TAF6: variants seen among roughly 807,000 people sequenced by gnomAD.
TAF6 encodes transcription initiation factor TFIID subunit 6.
TAF6 carries 50 observed loss-of-function variants against 73.5 expected under a neutral mutation model. The observed-to-expected ratio is 0.68, with a 90% CI of 0.54 to 0.86. The LOEUF (loss-of-function observed/expected upper bound fraction) is 0.86, where lower values mean the gene tolerates loss of function less well. TAF6 is among the 40% of genes least tolerant of loss of function. The probability of loss-of-function intolerance (pLI) is 0.00; values close to 1 mark genes in which losing one functional copy is unlikely to be tolerated. For missense variants in TAF6, 768 were observed against 899.5 expected (o/e 0.85, Z 1.87); for synonymous variants, 424 against 376.7 (o/e 1.13, Z -1.45).
the TAF6 span, chr7:100,125,076 G>A: frequency 9.7e-6 from 6 of 621,012 alleles, no homozygotes; most frequent in Admixed American, 1.9e-4. Flanking sequence ...GGGGTGGAGG[G>A]TGGGGGTGGA....
chr7:100,115,644 A>G (rs1797610219), intron 1 of TAF6: 1 of 150,640 alleles, frequency 6.6e-6, no homozygotes, highest in South Asian at 2.1e-4. Flanking sequence ...CCTCAGTGAC[A>G]GATGGACTCT....
upstream of TAF6, chr7:100,121,922 T>C (rs575988865): frequency 4.0e-4 from 88 of 220,100 alleles, no homozygotes; most frequent in South Asian, 8.1e-4. Context: ...TGGTGGTGGG[T>C]GCCTGTAGTC....
chr7:100,111,191 A>C lies in TAF6; in HGVS notation c.1031T>G (p.Phe344Cys). Residue 344 changes from phenylalanine (F) to cysteine (C), a missense_variant, in exon 10 of 15, where the codon TTT becomes TGT. This residue lies in a region of TAF6 where 69 missense variants were observed against 105.4 expected (regional missense o/e 0.65). Coordinates refer to ENST00000453269, the MANE Select transcript of TAF6 (RefSeq NM_139315.3). Reference sequence around the variant, plus strand: ...CTGGATGTTGTTAGTGGTTGTGCTAAAATGCTTGCAGATCTGGGCCACCAG... The same window carrying C: ...CTGGATGTTGTTAGTGGTTGTGCTACAATGCTTGCAGATCTGGGCCACCAG... Reference protein sequence around the residue: ...ARLVAQICKHFSTTTNNIQSR... With the variant: ...ARLVAQICKHCSTTTNNIQSR... 1 of 1,614,144 alleles carries C rather than the reference A, an allele frequency of 6.2e-7. No homozygotes were observed. Among genetic ancestry groups the C allele is most frequent in the Non-Finnish European group, 8.5e-7 (1 of 1,180,028 alleles).
At chr7:100,112,031 G>A in intron 7 of TAF6, 32 bp from the exon 8 acceptor site, 1 of 1,613,958 alleles carries the variant, frequency 6.2e-7, no homozygotes, top group African/African-American at 1.3e-5. Flanking sequence ...TCAGGTGGGG[G>A]TGGGATGTGG....
intron 6 of TAF6, 128 bp from the exon 7 acceptor site, chr7:100,112,381 T>C: frequency 2.2e-6 from 3 of 1,341,206 alleles, no homozygotes; most frequent in Non-Finnish European, 3.0e-6. Context: ...CCCCCATCCT[T>C]TCTGGGGCTC....
intron 1 of TAF6, among the ~76,000 whole-genome samples, chr7:100,114,812 C>T (rs1395079467): frequency 6.6e-6 from 1 of 151,850 alleles, no homozygotes; most frequent in Non-Finnish European, 1.5e-5. Context: ...CCCAGCAGTT[C>T]ACGACCAGCC....
intron 1 of TAF6, chr7:100,118,390 A>G (rs1797859004): frequency 6.6e-6 from 1 of 151,066 alleles, no homozygotes; most frequent in African/African-American, 2.4e-5. Context: ...AAGAGAGGTA[A>G]CTCACCCCAG....
chr7:100,110,752 G>A (rs1455741409), intron 10 of TAF6, among the ~76,000 whole-genome samples: 1 of 152,124 alleles, frequency 6.6e-6, no homozygotes, highest in Non-Finnish European at 1.5e-5. Flanking sequence ...CGGAGGTTGT[G>A]GTAAGCCAAG....
upstream of TAF6, chr7:100,121,068 T>C (rs187457954): frequency 5.1e-4 from 63 of 122,842 alleles, no homozygotes; most frequent in East Asian, 8.4e-3. Context: ...GGACATACTA[T>C]TATTATCCAA....
chr7:100,121,118 T>TACATATA (rs1798048567), upstream of TAF6: 1 of 31,894 alleles, frequency 3.1e-5, no homozygotes, highest in Admixed American at 5.3e-4. Context: ...ATATATATAT[T>TACATATA]TTTTTTTTTT....
intron 1 of TAF6, among the ~76,000 whole-genome samples, chr7:100,118,043 C>T (rs1464363461): frequency 9.1e-6 from 1 of 109,338 alleles, no homozygotes; most frequent in African/African-American, 3.2e-5. Context: ...CAGACTCTGT[C>T]TCAAAAAAAA....
At position 100,113,849 on chromosome 7, in the gene TAF6, G is replaced by A. The variant is rs756768513; in HGVS notation, c.243+19C>T. The A allele has an allele frequency of 2.2e-4, 321 of 1,469,118 alleles. 2 individuals are homozygous for A. In the South Asian group the frequency reaches 3.4e-3, roughly 15 times the overall value. 91.0% of individuals were successfully genotyped at this position (1,469,118 alleles called of 1,614,324 possible). A position where few individuals can be genotyped will look rare whatever the true frequency, so the allele number is the denominator to read the frequency against. The stretch of plus-strand genomic sequence containing the variant: ...AAGGATGGCGTCTCACCCCCCCCCC[G>A]CCTGTCTCCCCAAATCACCTCGACA... On this transcript the variant is annotated intron_variant, in intron 3 of 14. Coordinates refer to ENST00000453269, the MANE Select transcript of TAF6 (RefSeq NM_139315.3).
rs1193035950 is a variant in TAF6 at position 100,111,181 on chromosome 7, G to A, written c.1041C>T (p.Thr347=). ...VAQICKHFST[T]TNNIQSRITK... ...TGATCCGGGACTGGATGTTGTTAGTGGTTGTGCTAAAATGCTTGCAGATCT... is the reference window on the plus strand; with the variant it reads ...TGATCCGGGACTGGATGTTGTTAGTAGTTGTGCTAAAATGCTTGCAGATCT... Residue 347 remains threonine (T), a synonymous_variant, in exon 10 of 15, where the codon ACC becomes ACT. Transcript: ENST00000453269. The A allele has an allele frequency of 6.2e-7, 1 of 1,614,178 alleles. No homozygotes were observed. Among genetic ancestry groups the A allele is most frequent in the Non-Finnish European group, 8.5e-7 (1 of 1,180,038 alleles).
Position 100,112,189 on chromosome 7 carries a change from G to A in TAF6, c.639C>T (p.Ile213=), listed in dbSNP as rs137918475. 18 of 1,614,096 alleles carry A rather than the reference G, an allele frequency of 1.1e-5. No individual in the cohort carries two copies. Among genetic ancestry groups the A allele is most frequent in the Non-Finnish European group, 1.4e-5 (17 of 1,180,046 alleles). Residue 213 remains isoleucine (I), a synonymous_variant, in exon 7 of 15, where the codon ATC becomes ATT. Transcript: ENST00000453269. ...GCTGCTGCTCCACAGACAACTCGTG[G>A]ATGCTCCGGGGCTTCAGTCGCAAGG... ...GAPLRLKPRS[I]HELSVEQQLY...
rs768942294 is a variant in TAF6 at position 100,107,591 on chromosome 7, T to G, written c.1689A>C (p.Ser563=). Residue 563 remains serine (S), a synonymous_variant, in exon 15 of 15, where the codon TCA becomes TCC. Transcript: ENST00000453269. ...VLSLSTSAPG[S]GSTTTSPVTT... ...TGACGGGCGAAGTGGTGGTGGAACC[T>G]GAGCCGGGGGCCGAGGTGCTGAGGG... 1 of 1,613,562 alleles carries G rather than the reference T, an allele frequency of 6.2e-7. No individual in the cohort carries two copies.
upstream of TAF6, chr7:100,122,051 A>G: frequency 3.7e-4 from 141 of 383,938 alleles, no homozygotes; most frequent in South Asian, 7.9e-4. Context: ...GTCCGTCTGA[A>G]AAAAAAAAAA....
upstream of TAF6, chr7:100,120,330 T>C (rs1239004034): frequency 6.5e-6 from 1 of 153,226 alleles, no homozygotes. Flanking sequence ...AATTCAGCCT[T>C]TGAAGCTCAT....
chr7:100,126,980 C>T, the TAF6 span: 1 of 166,924 alleles, frequency 6.0e-6, no homozygotes, highest in Non-Finnish European at 1.3e-5. Context: ...TCTGGGTACA[C>T]GGGAACCGCA....
chr7:100,112,440 T>C (rs544904850), intron 6 of TAF6, among the ~76,000 whole-genome samples, 187 bp from the exon 7 acceptor site: 7 of 152,180 alleles, frequency 4.6e-5, no homozygotes, highest in South Asian at 2.1e-4. Context: ...AGGCCTGGCA[T>C]GGTGGCTCAC....
Sources: allele counts gnomAD v4.1 joint callset (sites outside exome capture counted in the v4.1 genomes callset), GRCh38; gene constraint gnomAD v4.1.1; regional missense constraint gnomAD v4.1.1; transcripts MANE v1.5; gene names NCBI Gene and HGNC (gene_info 2026-07-23, HGNC 2026-07-21).